Variants in GALNTL6 observed in about 807,000 individuals in gnomAD.
GALNTL6 encodes the protein polypeptide N-acetylgalactosaminyltransferase-like 6.
In GALNTL6, 46 loss-of-function variants were observed where a neutral mutation model predicts 73.7. The ratio of observed to expected loss-of-function variants is 0.62; its 90% CI spans 0.49 to 0.80. The LOEUF is 0.80. Ranked by LOEUF, GALNTL6 falls within the 30% of genes least tolerant of loss-of-function variation. The pLI is 0.00. For synonymous variants in GALNTL6, 259 were observed against 263.7 expected, an observed-to-expected ratio of 0.98 and a Z score of 0.17; for missense variants, 604 against 755.0, an observed-to-expected ratio of 0.80 and a Z score of 2.34.
intron 2 of GALNTL6, among the ~76,000 whole-genome samples, chr4:171,916,582 C>T (rs560207285): frequency 6.6e-6 from 1 of 152,238 alleles, no homozygotes; most frequent in East Asian, 1.9e-4. Flanking sequence ...GTTTGTACAA[C>T]TGGCTTCCTT....
Position 171,817,655 on chromosome 4 carries a change from T to G in GALNTL6, c.138+2937T>G, listed in dbSNP as rs147644871. 5.1e-3 allele frequency among the ~76,000 whole-genome samples: 771 copies of G among 151,798 alleles called. 7 individuals carry two copies. The highest frequency in any genetic ancestry group is 0.018 in the African/African-American group (735 of 41,514). On this transcript the variant is annotated intron_variant, in intron 2 of 12. Coordinates refer to ENST00000506823, the MANE Select transcript of GALNTL6 (RefSeq NM_001034845.3). The stretch of plus-strand genomic sequence containing the variant: ...ATTTAAAAATAATATTTAAGATAAT[T>G]TTCTAATATTTTAAAATCTTCTGCA...
intron 5 of GALNTL6, among the ~76,000 whole-genome samples, chr4:172,399,917 A>G (rs1258922715): frequency 6.6e-6 from 1 of 152,082 alleles, no homozygotes; most frequent in East Asian, 1.9e-4. Context: ...TTTTATCTTC[A>G]TATAGGTACT....
chr4:171,835,319 C>G (rs1458789280), intron 2 of GALNTL6, among the ~76,000 whole-genome samples: 1 of 151,502 alleles, frequency 6.6e-6, no homozygotes. Context: ...TATGTGTCTC[C>G]GTGTATCTGT....
At chr4:172,424,643 G>A (rs920500143) in intron 5 of GALNTL6, among the ~76,000 whole-genome samples, 2 of 152,114 alleles carry the variant, frequency 1.3e-5, no homozygotes, top group Non-Finnish European at 2.9e-5. Context: ...TGGACCAGGA[G>A]GATAGAGACT....
chr4:171,907,109 A>G (rs1737308974), intron 2 of GALNTL6, among the ~76,000 whole-genome samples: 3 of 151,826 alleles, frequency 2.0e-5, no homozygotes, highest in African/African-American at 7.3e-5. Context: ...CTCTCTCACC[A>G]CTCCTATTCA....
At chr4:172,868,236 A>G (rs180858476) in intron 7 of GALNTL6, among the ~76,000 whole-genome samples, 16 of 152,306 alleles carry the variant, frequency 1.1e-4, no homozygotes, top group Non-Finnish European at 2.2e-4. Context: ...CCATCACAAC[A>G]CTATGCAAAA....
At chr4:172,888,628 G>A (rs577209445) in intron 8 of GALNTL6, among the ~76,000 whole-genome samples, 8 of 152,126 alleles carry the variant, frequency 5.3e-5, no homozygotes, top group East Asian at 1.9e-4. Flanking sequence ...GTCTGTTTTC[G>A]TACCAGTACC....
chr4:171,998,720 G>A (rs989126192), intron 2 of GALNTL6, among the ~76,000 whole-genome samples: 4 of 152,124 alleles, frequency 2.6e-5, no homozygotes, highest in Admixed American at 1.3e-4. Context: ...CTGCTAAAAC[G>A]CTTTTAACCA....
intron 5 of GALNTL6, among the ~76,000 whole-genome samples, chr4:172,686,792 G>T (rs1732943509): frequency 6.6e-6 from 1 of 152,110 alleles, no homozygotes; most frequent in African/African-American, 2.4e-5. Context: ...TGTTTTCAAT[G>T]AACTTCAAAT....
chr4:171,893,342 T>C (rs1736815416), intron 2 of GALNTL6, among the ~76,000 whole-genome samples: 1 of 152,162 alleles, frequency 6.6e-6, no homozygotes, highest in Non-Finnish European at 1.5e-5. Flanking sequence ...GTAAGATGGA[T>C]ATTACTATCC....
intron 5 of GALNTL6, among the ~76,000 whole-genome samples, chr4:172,680,978 A>T (rs1732603888): frequency 6.6e-6 from 1 of 152,186 alleles, no homozygotes; most frequent in Non-Finnish European, 1.5e-5. Context: ...GGCCCTGAGC[A>T]TGCAGGCACA....
intron 5 of GALNTL6, among the ~76,000 whole-genome samples, chr4:172,501,426 C>A (rs945273715): frequency 6.6e-6 from 1 of 151,956 alleles, no homozygotes; most frequent in African/African-American, 2.4e-5. Flanking sequence ...GTAAAATGGA[C>A]CCCCAAATCT....
intron 4 of GALNTL6, among the ~76,000 whole-genome samples, chr4:172,328,631 G>A: frequency 6.6e-6 from 1 of 151,942 alleles, no homozygotes; most frequent in Non-Finnish European, 1.5e-5. Context: ...TATTATTTCA[G>A]GGATCCAGTC....
intron 5 of GALNTL6, among the ~76,000 whole-genome samples, chr4:172,706,482 G>A (rs1734361433): frequency 6.6e-6 from 1 of 151,982 alleles, no homozygotes; most frequent in South Asian, 2.1e-4. Flanking sequence ...ATTTGGGGAG[G>A]TCATGGTTCT....
At chr4:172,902,616 A>G (rs1173867901) in intron 8 of GALNTL6, among the ~76,000 whole-genome samples, 4 of 152,194 alleles carry the variant, frequency 2.6e-5, no homozygotes, top group Non-Finnish European at 5.9e-5. Context: ...AGTTGAGACA[A>G]GTATGAACAC....
rs988104093 is a variant in GALNTL6 at position 172,893,343 on chromosome 4, G to T, written c.1041+10436G>T. Among the ~76,000 whole-genome samples the T allele has an allele frequency of 9.1e-4, 124 of 135,968 alleles. 6 individuals are homozygous for T. Among genetic ancestry groups the T allele is most frequent in the African/African-American group, 3.8e-3 (111 of 29,566 alleles). 89.2% of individuals were successfully genotyped at this position (135,968 alleles called of 152,430 possible). ...TCACTCTTCTAAGTGTTCTGAGAGT[G>T]GCGGGGGGGGGGTCTTCCCCTTCTC... On this transcript the variant is annotated intron_variant, in intron 8 of 12. Coordinates refer to ENST00000506823, the MANE Select transcript of GALNTL6 (RefSeq NM_001034845.3).
chr4:172,392,442 A>C (rs1045265213), intron 5 of GALNTL6, among the ~76,000 whole-genome samples: 2 of 143,914 alleles, frequency 1.4e-5, no homozygotes, highest in African/African-American at 5.2e-5. Flanking sequence ...TCTCAGAAGC[A>C]TTTAAAGTAT....
chr4:172,938,216 C>T (rs1449491254), intron 9 of GALNTL6, among the ~76,000 whole-genome samples: 1 of 152,150 alleles, frequency 6.6e-6, no homozygotes, highest in East Asian at 1.9e-4. Context: ...TCCCTGGTGA[C>T]ATCCAGCTCT....
At chr4:172,901,568 C>T (rs1333361222) in intron 8 of GALNTL6, among the ~76,000 whole-genome samples, 1 of 152,098 alleles carries the variant, frequency 6.6e-6, no homozygotes, top group Non-Finnish European at 1.5e-5. Flanking sequence ...TGTTCTAATT[C>T]AAAAGACTTA....
Sources: gnomAD v4.1 joint callset for allele counts (sites outside exome capture counted in the v4.1 genomes callset) on GRCh38, gnomAD v4.1.1 for gene constraint, MANE v1.5 for transcripts, NCBI Gene and HGNC (gene_info 2026-07-23, HGNC 2026-07-21) for gene names.